CDK5R2: variants seen among roughly 807,000 people sequenced by gnomAD.
CDK5R2 encodes the protein cyclin-dependent kinase 5 activator 2.
In CDK5R2, 7 loss-of-function variants were observed where a neutral mutation model predicts 23.1. That is an observed-to-expected ratio of 0.30 (90% CI 0.17 to 0.57). The LOEUF is 0.57. Ranked by LOEUF, CDK5R2 falls within the 20% of genes least tolerant of loss-of-function variation. The probability of loss-of-function intolerance (pLI) is 0.91; values close to 1 mark genes in which losing one functional copy is unlikely to be tolerated. For missense variants in CDK5R2, 380 were observed against 537.6 expected (o/e 0.71, Z 2.90); for synonymous variants, 242 against 264.9 (o/e 0.91, Z 0.84).
Position 218,960,661 on chromosome 2 carries a change from C to G in CDK5R2, c.841C>G (p.Leu281Val). The change falls in exon 1 of 1, where the codon CTC becomes GTC. Residue 281 changes from leucine to valine, a missense_variant. By Grantham distance (32) the Leu-to-Val change is conservative. Around this residue, in one of 3 missense-constraint regions of CDK5R2, gnomAD observed 124 missense variants for 235.5 expected, o/e 0.53. Coordinates refer to ENST00000302625, the MANE Select transcript of CDK5R2 (RefSeq NM_003936.5). ...CATGGGCAACGAGATCTCCTACCCA[C>G]TCAAGCCCTTCCTCGTGGAGCCCGA... ...SYMGNEISYP[L>V]KPFLVEPDKE... 1 of 1,614,088 alleles carries G rather than the reference C, an allele frequency of 6.2e-7. No homozygotes were observed. Among genetic ancestry groups the G allele is most frequent in the Non-Finnish European group, 8.5e-7 (1 of 1,179,958 alleles).
In CDK5R2 at chr2:218,960,816, C is replaced by T; in HGVS notation, c.996C>T (p.Ala332=). The part of the protein sequence containing the change: ...FQDLKNEGEA[A]ASGGGPPSGG... ...ACCTCAAGAACGAGGGCGAGGCCGC[C>T]GCCAGCGGCGGGGGCCCACCGAGCG... The change falls in exon 1 of 1, where the codon GCC becomes GCT. Residue 332 remains alanine (A), a synonymous_variant. Transcript: ENST00000302625. 6.3e-7 allele frequency: 1 copy of T among 1,576,384 alleles called. No individual in the cohort carries two copies. The highest frequency in any genetic ancestry group is 8.6e-7 in the Non-Finnish European group (1 of 1,168,080).
At position 218,960,856 on chromosome 2, in the gene CDK5R2, G is replaced by T. The variant is rs371832801; in HGVS notation, c.1036G>T (p.Ala346Ser). Residue 346 changes from alanine to serine, a missense_variant, in exon 1 of 1, where the codon GCC (alanine) becomes TCC (serine). This residue lies in a region of CDK5R2 where 59 missense variants were observed against 55.7 expected (regional missense o/e 1.06). Coordinates refer to ENST00000302625, the MANE Select transcript of CDK5R2 (RefSeq NM_003936.5). ...CCCACCGAGCGGGGGCGCGCCCGCC[G>T]CCTCCTCGGCCGCCAGGGACAGCTG... Reference protein sequence around the residue: ...GGPPSGGAPAASSAARDSCAA... With the variant: ...GGPPSGGAPASSSAARDSCAA... 2.2e-5 allele frequency: 32 copies of T among 1,484,910 alleles called. No individual in the cohort carries two copies. Among genetic ancestry groups the T allele is most frequent in the African/African-American group, 1.8e-4 (12 of 67,420 alleles). The allele number at this position is 1,484,910 out of a possible 1,614,324, so 92.0% of individuals were successfully genotyped here. A position where few individuals can be genotyped will look rare whatever the true frequency, so the allele number is the denominator to read the frequency against.
chr2:218,960,988 AC>A lies in CDK5R2; in HGVS notation c.*66del. On this transcript the variant is annotated 3_prime_UTR_variant, in exon 1 of 1. Transcript: ENST00000302625. ...CTGACACACACTCGGACCCCCCGGG[AC>A]CACAAAGCCACCGCCGCTGTTACCG... The A allele has an allele frequency of 1.2e-6, 1 of 853,972 alleles. No individual in the cohort carries two copies. Among genetic ancestry groups the A allele is most frequent in the Non-Finnish European group, 1.7e-6 (1 of 598,880 alleles). The allele number at this position is 853,972 out of a possible 1,614,324, so 52.9% of individuals were successfully genotyped here.
rs1457805496 is a variant in CDK5R2, at chr2:218,959,700, C to G, written c.-121C>G. 2 of 1,161,602 alleles carry G rather than the reference C, an allele frequency of 1.7e-6. No homozygotes were observed. Among genetic ancestry groups the G allele is most frequent in the Non-Finnish European group, 2.1e-6 (2 of 933,866 alleles). The allele number at this position is 1,161,602 out of a possible 1,614,324, so 72.0% of individuals were successfully genotyped here. A position where few individuals can be genotyped will look rare whatever the true frequency, so the allele number is the denominator to read the frequency against. ...GAGCCGCCTAGCAGCCACCTTCCCC[C>G]GCCAGTCCGCGCGCCCGGGCCGGGG... On this transcript the variant is annotated 5_prime_UTR_variant, in exon 1 of 1. Coordinates refer to ENST00000302625, the MANE Select transcript of CDK5R2 (RefSeq NM_003936.5). The surrounding 1 kb of genome is among the most constrained non-coding windows in gnomAD (Gnocchi z 4.0).
chr2:218,960,074 C>T lies in CDK5R2; in HGVS notation c.254C>T (p.Pro85Leu). The T allele has an allele frequency of 6.2e-7, 1 of 1,602,874 alleles. No homozygotes were observed. ...KKKKGSKKVT[P>L]KPASTGPDPL... ...AAGAAAGGCAGCAAGAAGGTGACAC[C>T]CAAGCCGGCATCCACGGGCCCCGAC... is the stretch of plus-strand genomic sequence containing the variant. The change falls in exon 1 of 1, where the codon CCC becomes CTC. Residue 85 changes from proline to leucine, a missense_variant. Transcript: ENST00000302625.
Position 218,960,289 on chromosome 2 carries a change from C to G in CDK5R2, c.469C>G (p.Pro157Ala). Residue 157 changes from proline to alanine, a missense_variant, in exon 1 of 1, where the codon CCG (proline) becomes GCG (alanine). By Grantham distance (27) the Pro-to-Ala change is conservative. Around this residue, in one of 3 missense-constraint regions of CDK5R2, gnomAD observed 197 missense variants for 246.4 expected, o/e 0.80. Transcript: ENST00000302625. Reference sequence around the variant, plus strand: ...GGGCTCGGGCGGGGGAAAGCCTCCGCCGCCGCCTCCCCCAGCCCCGCAGGT... The same window carrying G: ...GGGCTCGGGCGGGGGAAAGCCTCCGGCGCCGCCTCCCCCAGCCCCGCAGGT... ...PPGSGGGKPP[P>A]PPPPAPQVAP... 7.4e-7 allele frequency: 1 copy of G among 1,353,668 alleles called. No individual in the cohort carries two copies. The highest frequency in any genetic ancestry group is 4.0e-5 in the Admixed American group (1 of 25,260). 83.9% of individuals were successfully genotyped at this position (1,353,668 alleles called of 1,614,324 possible).
Position 218,959,769 on chromosome 2 carries a change from G to A in CDK5R2, c.-52G>A. 1.6e-6 allele frequency: 2 copies of A among 1,234,200 alleles called. No homozygotes were observed. Among genetic ancestry groups the A allele is most frequent in the Non-Finnish European group, 2.0e-6 (2 of 990,194 alleles). The allele number at this position is 1,234,200 out of a possible 1,614,324, so 76.5% of individuals were successfully genotyped here. ...GGTCCCCCGGGGCTGCAGTAGCAGCGGCGCCGCCCGCGGCTCCCGCTGGGG... is the reference window on the plus strand; with the variant it reads ...GGTCCCCCGGGGCTGCAGTAGCAGCAGCGCCGCCCGCGGCTCCCGCTGGGG... On this transcript the variant is annotated 5_prime_UTR_variant, in exon 1 of 1. Coordinates refer to ENST00000302625, the MANE Select transcript of CDK5R2 (RefSeq NM_003936.5). The surrounding 1 kb of genome is among the most constrained non-coding windows in gnomAD (Gnocchi z 4.0).
rs1344615930 is a variant in CDK5R2, at chr2:218,959,762, T to G, written c.-59T>G. Reference sequence around the variant, plus strand: ...ACCGCCGGGTCCCCCGGGGCTGCAGTAGCAGCGGCGCCGCCCGCGGCTCCC... The same window carrying G: ...ACCGCCGGGTCCCCCGGGGCTGCAGGAGCAGCGGCGCCGCCCGCGGCTCCC... On this transcript the variant is annotated 5_prime_UTR_variant, in exon 1 of 1. Transcript: ENST00000302625. This position sits in a 1 kb window ranked among gnomAD's most constrained non-coding sequence, Gnocchi z 4.0. 1 of 1,232,406 alleles carries G rather than the reference T, an allele frequency of 8.1e-7. No homozygotes were observed. The highest frequency in any genetic ancestry group is 1.0e-6 in the Non-Finnish European group (1 of 989,160). The allele number at this position is 1,232,406 out of a possible 1,614,324, so 76.3% of individuals were successfully genotyped here. A position where few individuals can be genotyped will look rare whatever the true frequency, so the allele number is the denominator to read the frequency against.
chr2:218,959,716 C>G lies in CDK5R2; in HGVS notation c.-105C>G. The G allele has an allele frequency of 8.3e-7, 1 of 1,198,322 alleles. No individual in the cohort carries two copies. The allele number at this position is 1,198,322 out of a possible 1,614,324, so 74.2% of individuals were successfully genotyped here. ...ACCTTCCCCCGCCAGTCCGCGCGCC[C>G]GGGCCGGGGCTAGGCCCCCCACCGC... On this transcript the variant is annotated 5_prime_UTR_variant, in exon 1 of 1. Transcript: ENST00000302625. This position sits in a 1 kb window ranked among gnomAD's most constrained non-coding sequence, Gnocchi z 4.0.
In CDK5R2 at chr2:218,960,749, G is replaced by A. The variant is rs751649795; in HGVS notation, c.929G>A (p.Arg310Gln). ...LIQRLSPQML[R>Q]LNADPHFFTQ... ...CAGCGGCTCAGCCCGCAGATGCTGC[G>A]GCTCAACGCCGACCCCCACTTCTTC... Residue 310 changes from arginine to glutamine, a missense_variant, in exon 1 of 1, where the codon CGG becomes CAG. Physicochemically the swap from Arg to Gln is conservative, Grantham distance 43. Transcript: ENST00000302625. 7 of 1,613,728 alleles carry A rather than the reference G, an allele frequency of 4.3e-6. No homozygotes were observed. Among genetic ancestry groups the A allele is most frequent in the East Asian group, 2.2e-5 (1 of 44,812 alleles).
Position 218,960,939 on chromosome 2 carries a change from C to T in CDK5R2, c.*15C>T, listed in dbSNP as rs34430748. 0.029 allele frequency: 37,434 copies of T among 1,293,812 alleles called. 698 individuals are homozygous for T. Among genetic ancestry groups the T allele is most frequent in the South Asian group, 0.061 (3,084 of 50,716 alleles). 80.1% of individuals were successfully genotyped at this position (1,293,812 alleles called of 1,614,324 possible). On this transcript the variant is annotated 3_prime_UTR_variant, in exon 1 of 1. Coordinates refer to ENST00000302625, the MANE Select transcript of CDK5R2 (RefSeq NM_003936.5). ...TGGACCGCTAGGGATACCCAGGGGC[C>T]GCGCCCATCCCCCGCCCCAGCCCCT...
Position 218,959,744 on chromosome 2 carries a change from G to C in CDK5R2, c.-77G>C. On this transcript the variant is annotated 5_prime_UTR_variant, in exon 1 of 1. Coordinates refer to ENST00000302625, the MANE Select transcript of CDK5R2 (RefSeq NM_003936.5). This position sits in a 1 kb window ranked among gnomAD's most constrained non-coding sequence, Gnocchi z 4.0. Reference sequence around the variant, plus strand: ...GCCGGGGCTAGGCCCCCCACCGCCGGGTCCCCCGGGGCTGCAGTAGCAGCG... The same window carrying C: ...GCCGGGGCTAGGCCCCCCACCGCCGCGTCCCCCGGGGCTGCAGTAGCAGCG... 2.5e-6 allele frequency: 3 copies of C among 1,223,296 alleles called. No homozygotes were observed. The highest frequency in any genetic ancestry group is 3.1e-6 in the Non-Finnish European group (3 of 983,160). The allele number at this position is 1,223,296 out of a possible 1,614,324, so 75.8% of individuals were successfully genotyped here. A position where few individuals can be genotyped will look rare whatever the true frequency, so the allele number is the denominator to read the frequency against.
rs1002144360 is a variant in CDK5R2, at chr2:218,959,695, T to TC, written c.-121dup. The TC allele has an allele frequency of 4.6e-5, 52 of 1,129,050 alleles. No homozygotes were observed. Among genetic ancestry groups the TC allele is most frequent in the Non-Finnish European group, 5.1e-5 (46 of 904,806 alleles). The allele number at this position is 1,129,050 out of a possible 1,614,324, so 69.9% of individuals were successfully genotyped here. ...CAGCGGAGCCGCCTAGCAGCCACCT[T>TC]CCCCCGCCAGTCCGCGCGCCCGGGC... On this transcript the variant is annotated 5_prime_UTR_variant, in exon 1 of 1. Coordinates refer to ENST00000302625, the MANE Select transcript of CDK5R2 (RefSeq NM_003936.5). This position sits in a 1 kb window ranked among gnomAD's most constrained non-coding sequence, Gnocchi z 4.0.
Position 218,960,900 on chromosome 2 carries a change from C to A in CDK5R2, c.1080C>A (p.His360Gln), listed in dbSNP as rs1289947796. The A allele has an allele frequency of 4.1e-6, 6 of 1,467,060 alleles. No homozygotes were observed. The highest frequency in any genetic ancestry group is 5.4e-6 in the Non-Finnish European group (6 of 1,119,674). 90.9% of individuals were successfully genotyped at this position (1,467,060 alleles called of 1,614,324 possible). A position where few individuals can be genotyped will look rare whatever the true frequency, so the allele number is the denominator to read the frequency against. ...ACAGCTGCGCGGCCGGAACCAAGCA[C>A]TGGACTATGAACCTGGACCGCTAGG... ...ARDSCAAGTK[H>Q]WTMNLDR Residue 360 changes from histidine to glutamine, a missense_variant, in exon 1 of 1, where the codon CAC becomes CAA. Physicochemically the swap from His to Gln is conservative, Grantham distance 24 (BLOSUM62 0). Coordinates refer to ENST00000302625, the MANE Select transcript of CDK5R2 (RefSeq NM_003936.5).
At position 218,961,050 on chromosome 2, in the gene CDK5R2, C is replaced by A; in HGVS notation, c.*126C>A. ...CCCCGGCTGGGCGGAGGAGGAGACGCCCATGCCCCTCAGGGGAAAGTGGAG... is the reference window on the plus strand; with the variant it reads ...CCCCGGCTGGGCGGAGGAGGAGACGACCATGCCCCTCAGGGGAAAGTGGAG... On this transcript the variant is annotated 3_prime_UTR_variant, in exon 1 of 1. Transcript: ENST00000302625. This position sits in a 1 kb window ranked among gnomAD's most constrained non-coding sequence, Gnocchi z 4.4. The A allele has an allele frequency of 2.0e-6, 1 of 502,368 alleles. No homozygotes were observed. The highest frequency in any genetic ancestry group is 3.4e-6 in the Non-Finnish European group (1 of 291,896). 31.1% of individuals were successfully genotyped at this position (502,368 alleles called of 1,614,324 possible).
chr2:218,959,985 G>A lies in CDK5R2; in HGVS notation c.165G>A (p.Lys55=). The A allele has an allele frequency of 6.4e-7, 1 of 1,558,376 alleles. No individual in the cohort carries two copies. Among genetic ancestry groups the A allele is most frequent in the Non-Finnish European group, 8.7e-7 (1 of 1,155,024 alleles). ...GKGGKGESRL[K]RPSVLISALT... ...GCGGCAAAGGCGAGAGCCGACTCAA[G>A]CGGCCGTCCGTGCTCATCTCGGCGC... is the stretch of plus-strand genomic sequence containing the variant. The change falls in exon 1 of 1, where the codon AAG becomes AAA. Residue 55 remains lysine, a synonymous_variant. Transcript: ENST00000302625. This position sits in a 1 kb window ranked among gnomAD's most constrained non-coding sequence, Gnocchi z 4.0.
chr2:218,960,667 C>G lies in CDK5R2; in HGVS notation c.847C>G (p.Pro283Ala). The G allele has an allele frequency of 6.2e-7, 1 of 1,614,078 alleles. No individual in the cohort carries two copies. The highest frequency in any genetic ancestry group is 8.5e-7 in the Non-Finnish European group (1 of 1,179,952). Residue 283 changes from proline to alanine, a missense_variant, in exon 1 of 1, where the codon CCC (proline) becomes GCC (alanine). Physicochemically the swap from Pro to Ala is conservative, Grantham distance 27. Coordinates refer to ENST00000302625, the MANE Select transcript of CDK5R2 (RefSeq NM_003936.5). ...MGNEISYPLKPFLVEPDKERF... is the reference protein window; with the variant it reads ...MGNEISYPLKAFLVEPDKERF... The stretch of plus-strand genomic sequence containing the variant: ...CAACGAGATCTCCTACCCACTCAAG[C>G]CCTTCCTCGTGGAGCCCGACAAGGA...
Position 218,960,039 on chromosome 2 carries a change from C to G in CDK5R2, c.219C>G (p.Ser73=). 1 of 1,598,470 alleles carries G rather than the reference C, an allele frequency of 6.3e-7. No homozygotes were observed. The highest frequency in any genetic ancestry group is 8.5e-7 in the Non-Finnish European group (1 of 1,173,908). The change falls in exon 1 of 1, where the codon TCC becomes TCG. Residue 73 remains serine, a synonymous_variant. Coordinates refer to ENST00000302625, the MANE Select transcript of CDK5R2 (RefSeq NM_003936.5). The part of the protein sequence containing the change: ...ALTWKRLVAA[S]AKKKKGSKKV... ...CCTGGAAGCGCCTGGTGGCCGCGTC[C>G]GCCAAGAAGAAGAAAGGCAGCAAGA...
chr2:218,960,324 G>T lies in CDK5R2; in HGVS notation c.504G>T (p.Pro168=). 6.7e-7 allele frequency: 1 copy of T among 1,483,122 alleles called. No homozygotes were observed. The highest frequency in any genetic ancestry group is 8.9e-7 in the Non-Finnish European group (1 of 1,124,120). 91.9% of individuals were successfully genotyped at this position (1,483,122 alleles called of 1,614,324 possible). The change falls in exon 1 of 1, where the codon CCG becomes CCT. Residue 168 remains proline, a synonymous_variant. Transcript: ENST00000302625. ...PPPPAPQVAP[P]VPGGSPRRVI... ...CCCCAGCCCCGCAGGTGGCGCCGCC[G>T]GTGCCTGGCGGCTCGCCGCGGCGGG... is the stretch of plus-strand genomic sequence containing the variant.
Sources: allele counts gnomAD v4.1 joint callset, GRCh38; gene constraint gnomAD v4.1.1; regional missense constraint gnomAD v4.1.1; non-coding constraint Gnocchi (gnomAD v3.1); transcripts MANE v1.5; gene names NCBI Gene and HGNC (gene_info 2026-07-23, HGNC 2026-07-21).